The following NSD3 variants were observed in gnomAD, a reference collection of about 807,000 sequenced individuals.
NSD3 encodes histone-lysine N-methyltransferase NSD3.
Under a neutral mutation model 160.8 loss-of-function variants are expected in NSD3, and 24 were observed. The observed-to-expected ratio is 0.15, with a 90% CI of 0.11 to 0.21. The LOEUF (loss-of-function observed/expected upper bound fraction) is 0.21. Among genes scored for constraint, NSD3 ranks in the 10% least tolerant of loss-of-function variants. NSD3 has a pLI of 1.00. For missense variants in NSD3, 1,157 were observed against 1,735.9 expected (o/e 0.67, Z 5.93); for synonymous variants, 520 against 600.0 (o/e 0.87, Z 1.95).
chr8:38,338,672 G>C, intron 2 of NSD3, 65 bp from the exon 3 acceptor site: 1 of 1,228,196 alleles, frequency 8.1e-7, no homozygotes, highest in Non-Finnish European at 1.2e-6. Context: ...ACAAAAAACA[G>C]TGACATACAT....
At chr8:38,376,628 G>A (rs1465052879) in intron 1 of NSD3, among the ~76,000 whole-genome samples, 1 of 151,940 alleles carries the variant, frequency 6.6e-6, no homozygotes, top group Non-Finnish European at 1.5e-5. Context: ...GTAGAGACGG[G>A]GTTTCACCAT....
chr8:38,327,300 C>T (rs1332733434), intron 6 of NSD3, among the ~76,000 whole-genome samples: 1 of 152,018 alleles, frequency 6.6e-6, no homozygotes, highest in East Asian at 1.9e-4. Flanking sequence ...AGGTGATCTG[C>T]TCACCTTGGC....
At chr8:38,352,371 G>A (rs1284379797) in intron 1 of NSD3, among the ~76,000 whole-genome samples, 5 of 152,102 alleles carry the variant, frequency 3.3e-5, no homozygotes, top group Admixed American at 3.3e-4. Flanking sequence ...GGTGGGGGGT[G>A]GGAGGGATCC....
Position 38,338,552 on chromosome 8 carries a change from A to G in NSD3, c.731T>C (p.Leu244Pro), listed in dbSNP as rs1810280678. ...ACAACTTACTGGGGCTTCCTCTTTT[A>G]GTACTGGTTCTTCCCTTGGTTTTTC... Reference protein sequence around the residue: ...VSEKPREEPVLKEEAPVQPIL... With the variant: ...VSEKPREEPVPKEEAPVQPIL... Residue 244 changes from leucine (L) to proline (P), a missense_variant, in exon 3 of 24, where the codon CTA (leucine) becomes CCA (proline). Coordinates refer to ENST00000317025, the MANE Select transcript of NSD3 (RefSeq NM_023034.2). The G allele has an allele frequency of 1.9e-6, 3 of 1,613,866 alleles. No homozygotes were observed. The highest frequency in any genetic ancestry group is 4.5e-5 in the East Asian group (2 of 44,830).
At chr8:38,380,885 AATC>A (rs1199734061) in intron 1 of NSD3, 1 of 152,026 alleles carries the variant, frequency 6.6e-6, no homozygotes, top group Non-Finnish European at 1.5e-5. Context: ...AAATCGAAAT[AATC>A]TTCACTCCCT....
rs1809659518 is a variant in NSD3, at chr8:38,316,211, T to C, written c.1856-169A>G. The stretch of plus-strand genomic sequence containing the variant: ...AGTCAAAACTTCAGAACTTCTGACC[T>C]TCCTGGTAGTGACTGATTTAATTTA... On this transcript the variant is annotated intron_variant, in intron 9 of 23. Transcript: ENST00000317025. This position sits in a 1 kb window ranked among gnomAD's most constrained non-coding sequence, Gnocchi z 4.5. Among the ~76,000 whole-genome samples the C allele has an allele frequency of 6.6e-6, 1 of 152,242 alleles. No individual in the cohort carries two copies. The highest frequency in any genetic ancestry group is 1.5e-5 in the Non-Finnish European group (1 of 68,048).
chr8:38,317,202 TCA>T lies in NSD3; in HGVS notation c.1856-1162_1856-1161del. 1 of 1,062,998 alleles carries T rather than the reference TCA, an allele frequency of 9.4e-7. No individual in the cohort carries two copies. 65.8% of individuals were successfully genotyped at this position (1,062,998 alleles called of 1,614,324 possible). On this transcript the variant is annotated intron_variant, in intron 9 of 23. Transcript: ENST00000317025. The surrounding 1 kb of genome is among the most constrained non-coding windows in gnomAD (Gnocchi z 5.3). ...GAGGAGGTGGGCCTCGTTAGACTGC[TCA>T]GATTACTGGAACCTCGTTATCACAT...
chr8:38,335,789 A>T (rs1347636961), intron 4 of NSD3, among the ~76,000 whole-genome samples: 1 of 152,196 alleles, frequency 6.6e-6, no homozygotes, highest in Non-Finnish European at 1.5e-5. Flanking sequence ...GATTTCTTTG[A>T]GATTCTGTTT....
At chr8:38,343,192 C>CA (rs1228835829) in intron 2 of NSD3, among the ~76,000 whole-genome samples, 44 of 140,820 alleles carry the variant, frequency 3.1e-4, no homozygotes, top group Middle Eastern at 3.6e-3. Context: ...GACTCTGCCT[C>CA]AAAAAAAAAA....
Position 38,317,580 on chromosome 8 carries a change from T to G in NSD3, c.1855+1315A>C, listed in dbSNP as rs1809699564. ...ACTAATATTAAAAAAAATAAGAACTTTTAATGATTGTAATGTATACAGTTT... is the reference window on the plus strand; with the variant it reads ...ACTAATATTAAAAAAAATAAGAACTGTTAATGATTGTAATGTATACAGTTT... On this transcript the variant is annotated intron_variant, in intron 9 of 23. Transcript: ENST00000317025. The surrounding 1 kb of genome is among the most constrained non-coding windows in gnomAD (Gnocchi z 5.3). 3.7e-6 allele frequency: 4 copies of G among 1,070,504 alleles called. No individual in the cohort carries two copies. The highest frequency in any genetic ancestry group is 3.4e-6 in the Non-Finnish European group (3 of 882,824). 66.3% of individuals were successfully genotyped at this position (1,070,504 alleles called of 1,614,324 possible). A position where few individuals can be genotyped will look rare whatever the true frequency, so the allele number is the denominator to read the frequency against.
chr8:38,370,323 A>C (rs1811212510), intron 1 of NSD3, among the ~76,000 whole-genome samples: 1 of 152,124 alleles, frequency 6.6e-6, no homozygotes, highest in African/African-American at 2.4e-5. Context: ...TTTTTTAAAA[A>C]AATTTTAAAC....
At chr8:38,294,089 T>C (rs574182821) in intron 16 of NSD3, among the ~76,000 whole-genome samples, 24 of 152,190 alleles carry the variant, frequency 1.6e-4, no homozygotes, top group Non-Finnish European at 2.5e-4. Flanking sequence ...ATTGTGTTTT[T>C]TTGTTGTTGT....
intron 16 of NSD3, 194 bp from the exon 17 acceptor site, chr8:38,290,871 A>G (rs761963605): frequency 4.0e-6 from 2 of 502,082 alleles, no homozygotes; most frequent in Non-Finnish European, 7.1e-6. Flanking sequence ...ATTAGGCCCT[A>G]AACACCTGAT....
intron 7 of NSD3, among the ~76,000 whole-genome samples, chr8:38,324,664 T>C (rs757506730): frequency 3.9e-5 from 6 of 152,166 alleles, no homozygotes; most frequent in Non-Finnish European, 8.8e-5. Context: ...CTGCATAATA[T>C]AAGTGTTTTT....
At chr8:38,353,736 T>C (rs2150387030) in intron 1 of NSD3, among the ~76,000 whole-genome samples, 1 of 152,350 alleles carries the variant, frequency 6.6e-6, no homozygotes, top group South Asian at 2.1e-4. Context: ...TGTTTTCATA[T>C]ACATTTGTAT....
chr8:38,332,419 G>A (rs1385051620), intron 4 of NSD3, among the ~76,000 whole-genome samples: 2 of 152,134 alleles, frequency 1.3e-5, no homozygotes, highest in Non-Finnish European at 2.9e-5. Flanking sequence ...TTACAGGTGT[G>A]AGCCACTGCG....
intron 1 of NSD3, among the ~76,000 whole-genome samples, chr8:38,361,084 G>A (rs1048237703): frequency 6.6e-6 from 1 of 152,040 alleles, no homozygotes; most frequent in African/African-American, 2.4e-5. Context: ...GCAGTGCAGC[G>A]GCACAATCTT....
chr8:38,378,232 G>A lies in NSD3; in HGVS notation c.-45+3567C>T, dbSNP rs140869437. The stretch of plus-strand genomic sequence containing the variant: ...CAAACAAACTCCATCTTGGCCGGGC[G>A]TGTTGGCTCATGCCTGTAATTCCAG... On this transcript the variant is annotated intron_variant, in intron 1 of 23. Coordinates refer to ENST00000317025, the MANE Select transcript of NSD3 (RefSeq NM_023034.2). Among the ~76,000 whole-genome samples, 205 of 152,146 alleles carry A rather than the reference G, an allele frequency of 1.3e-3. 2 individuals are homozygous for A. The highest frequency in any genetic ancestry group is 4.6e-3 in the African/African-American group (189 of 41,502).
intron 1 of NSD3, among the ~76,000 whole-genome samples, chr8:38,354,004 ACTGTC>A (rs1810762646): frequency 6.6e-6 from 1 of 152,200 alleles, no homozygotes; most frequent in Non-Finnish European, 1.5e-5. Flanking sequence ...AACTGAATGC[ACTGTC>A]CTTTTCCTAG....
Sources: allele counts gnomAD v4.1 joint callset (sites outside exome capture counted in the v4.1 genomes callset), GRCh38; gene constraint gnomAD v4.1.1; non-coding constraint Gnocchi (gnomAD v3.1); transcripts MANE v1.5; gene names NCBI Gene and HGNC (gene_info 2026-07-23, HGNC 2026-07-21).